Variants in RUNX1T1 observed in about 807,000 individuals in gnomAD.
The protein encoded by RUNX1T1 is protein CBFA2T1.
RUNX1T1 carries 4 observed loss-of-function variants against 62.8 expected under a neutral mutation model. The ratio of observed to expected loss-of-function variants is 0.06; its 90% CI spans 0.03 to 0.15. The LOEUF is 0.15. Among genes scored for constraint, RUNX1T1 ranks in the 10% least tolerant of loss-of-function variants. The pLI is 1.00. For missense variants in RUNX1T1, 508 were observed against 754.3 expected (o/e 0.67, Z 3.82); for synonymous variants, 291 against 286.0 (o/e 1.02, Z -0.18).
chr8:92,084,628 A>C lies in RUNX1T1; in HGVS notation c.-85-8491T>G, dbSNP rs1835809531. Reference sequence around the variant, plus strand: ...TGAAGGTCTTACAAACCAGCAGAGAAGTCTGAATTGCACGGATGATAGCAG... The same window carrying C: ...TGAAGGTCTTACAAACCAGCAGAGACGTCTGAATTGCACGGATGATAGCAG... On this transcript the variant is annotated intron_variant, in intron 1 of 11. Coordinates refer to the RUNX1T1 transcript ENST00000265814. Among the ~76,000 whole-genome samples the C allele has an allele frequency of 3.9e-5, 6 of 152,326 alleles. No individual in the cohort carries two copies. In the South Asian group the frequency reaches 1.2e-3, roughly 32 times the overall value.
At chr8:91,977,341 T>TA (rs1392630185) in intron 8 of RUNX1T1, 13 of 193,852 alleles carry the variant, frequency 6.7e-5, no homozygotes, top group Middle Eastern at 1.8e-3. Context: ...GACTACTTAA[T>TA]AATAGGATGG....
At chr8:91,981,404 CTTTTTTTTTT>C (rs67366711) in intron 8 of RUNX1T1, among the ~76,000 whole-genome samples, 5 of 63,842 alleles carry the variant, frequency 7.8e-5, no homozygotes, top group Non-Finnish European at 1.4e-4. Context: ...AGTTACTAAG[CTTTTTTTTTT>C]TTTTTTTTTT....
At chr8:92,054,738 A>T (rs1830761438) in intron 1 of RUNX1T1, among the ~76,000 whole-genome samples, 1 of 152,212 alleles carries the variant, frequency 6.6e-6, no homozygotes. Flanking sequence ...GCGGCGGCTC[A>T]TGCCTATAAT....
chr8:92,009,565 C>G (rs1286705271), intron 4 of RUNX1T1: 2 of 150,090 alleles, frequency 1.3e-5, no homozygotes, highest in Non-Finnish European at 3.0e-5. Context: ...CAACTTGACC[C>G]TGAAAGGAGC....
chr8:91,967,074 C>A (rs1431778718), intron 10 of RUNX1T1, among the ~76,000 whole-genome samples: 1 of 152,134 alleles, frequency 6.6e-6, no homozygotes, highest in Non-Finnish European at 1.5e-5. Flanking sequence ...CAAGGCACAG[C>A]TTTTTATCAG....
intron 7 of RUNX1T1, 106 bp from the exon 9 acceptor site, chr8:91,986,431 T>TA: frequency 1.2e-6 from 1 of 847,590 alleles, no homozygotes; most frequent in Non-Finnish European, 1.9e-6. Context: ...GAAGCAATTT[T>TA]ATCCCTGAAG....
At chr8:91,964,384 T>G (rs1327226793) in intron 10 of RUNX1T1, among the ~76,000 whole-genome samples, 2 of 152,176 alleles carry the variant, frequency 1.3e-5, no homozygotes, top group Admixed American at 1.3e-4. Flanking sequence ...TCAGAAAAAC[T>G]TGCACAAAAT....
intron 1 of RUNX1T1, among the ~76,000 whole-genome samples, chr8:92,060,789 A>T (rs1831899967): frequency 6.6e-6 from 1 of 152,124 alleles, no homozygotes. Context: ...AGTAGAATTT[A>T]AAAACTACAG....
chr8:91,974,467 G>T (rs1425272367), intron 9 of RUNX1T1, among the ~76,000 whole-genome samples: 2 of 152,090 alleles, frequency 1.3e-5, no homozygotes, highest in Non-Finnish European at 2.9e-5. Flanking sequence ...CTTAAAAAGG[G>T]AAGTGCAGAG....
At chr8:92,058,858 A>C (rs1831452986) in intron 1 of RUNX1T1, among the ~76,000 whole-genome samples, 1 of 152,204 alleles carries the variant, frequency 6.6e-6, no homozygotes, top group South Asian at 2.1e-4. Context: ...TTAAGAAATA[A>C]AAATAAACAA....
chr8:92,028,668 C>A lies in RUNX1T1; in HGVS notation c.8-11305G>T, dbSNP rs368054291. Among the ~76,000 whole-genome samples, 7 of 152,044 alleles carry A rather than the reference C, an allele frequency of 4.6e-5. No homozygotes were observed. The East Asian group carries it at 9.6e-4, about 21-fold the overall frequency. Reference sequence around the variant, plus strand: ...GTTTAACAAAGAAAAGTTTAAAGCCCCTGGCACAGGCAAATAGCAAATGTC... The same window carrying A: ...GTTTAACAAAGAAAAGTTTAAAGCCACTGGCACAGGCAAATAGCAAATGTC... On this transcript the variant is annotated intron_variant, in intron 1 of 10. Transcript: ENST00000396218.
intron 2 of RUNX1T1, among the ~76,000 whole-genome samples, chr8:92,072,173 A>T (rs1425179323): frequency 3.3e-5 from 5 of 152,324 alleles, no homozygotes; most frequent in African/African-American, 9.6e-5. Flanking sequence ...GTAAATCTTC[A>T]AATTCAAAGA....
chr8:92,078,781 G>A (rs754413043), intron 1 of RUNX1T1, among the ~76,000 whole-genome samples: 1 of 152,188 alleles, frequency 6.6e-6, no homozygotes, highest in Non-Finnish European at 1.5e-5. Flanking sequence ...GATGCAGACA[G>A]AAAACCTTAA....
chr8:92,053,350 G>A (rs1343531421), intron 1 of RUNX1T1, among the ~76,000 whole-genome samples: 1 of 152,122 alleles, frequency 6.6e-6, no homozygotes, highest in African/African-American at 2.4e-5. Context: ...ATGGGAGACT[G>A]AAACATTATA....
chr8:92,097,265 G>A (rs559417842), intron 1 of RUNX1T1, among the ~76,000 whole-genome samples: 3 of 152,288 alleles, frequency 2.0e-5, no homozygotes, highest in South Asian at 4.1e-4. Flanking sequence ...TGCAAGGATA[G>A]GAAGTAAAAC....
chr8:92,097,190 G>C (rs1408188835), intron 1 of RUNX1T1, among the ~76,000 whole-genome samples: 1 of 152,136 alleles, frequency 6.6e-6, no homozygotes, highest in Non-Finnish European at 1.5e-5. Flanking sequence ...TCACTGAGAC[G>C]AGAACAAGGT....
At chr8:92,010,829 C>T in intron 4 of RUNX1T1, 173 bp downstream of exon 5, 1 of 484,102 alleles carries the variant, frequency 2.1e-6, no homozygotes. Context: ...ATTTAAAACA[C>T]TCCTTGTAAT....
intron 5 of RUNX1T1, chr8:91,994,494 G>T: frequency 2.5e-6 from 1 of 408,108 alleles, no homozygotes; most frequent in Non-Finnish European, 4.9e-6. Flanking sequence ...TACCTTACTG[G>T]CATTGTGGTG....
intron 5 of RUNX1T1, chr8:92,003,388 T>C (rs771847913): frequency 4.8e-5 from 22 of 456,094 alleles, no homozygotes; most frequent in Middle Eastern, 3.2e-4. Flanking sequence ...TAGCTGGAAA[T>C]ACAGAGAAAT....
Sources: gnomAD v4.1 joint callset for allele counts (sites outside exome capture counted in the v4.1 genomes callset) on GRCh38, gnomAD v4.1.1 for gene constraint, MANE v1.5 for transcripts, NCBI Gene and HGNC (gene_info 2026-07-23, HGNC 2026-07-21) for gene names.